Variants in ATG10 observed in about 807,000 individuals in gnomAD.
ATG10 encodes the protein autophagy related 10.
A neutral mutation model predicts 32.1 loss-of-function variants in ATG10; 30 were observed. The observed-to-expected ratio is 0.94, with a 90% CI of 0.70 to 1.27. The LOEUF is 1.27. Ranked by LOEUF, ATG10 falls within the 50% of genes most tolerant of loss-of-function variation. ATG10 has a pLI of 0.00. For synonymous variants in ATG10, 87 were observed against 91.5 expected (o/e 0.95, Z 0.28); for missense variants, 233 against 262.3 (o/e 0.89, Z 0.77).
intron 5 of ATG10, among the ~76,000 whole-genome samples, chr5:82,179,751 T>C (rs947587428): frequency 6.6e-6 from 1 of 152,156 alleles, no homozygotes; most frequent in African/African-American, 2.4e-5. Flanking sequence ...CCTTTAAAAA[T>C]GAGTTTATCA....
intron 3 of ATG10, among the ~76,000 whole-genome samples, chr5:82,097,113 A>G (rs1175122854): frequency 1.3e-5 from 2 of 152,144 alleles, no homozygotes; most frequent in Non-Finnish European, 2.9e-5. Context: ...TGTAGAACAG[A>G]GTTTTTAGTC....
intron 1 of ATG10, among the ~76,000 whole-genome samples, chr5:81,985,502 C>T (rs556161087): frequency 1.3e-5 from 2 of 152,124 alleles, no homozygotes; most frequent in South Asian, 4.1e-4. Flanking sequence ...GGACATTCCA[C>T]GGGCATTTGA....
chr5:82,036,922 A>G (rs868350751), intron 2 of ATG10, among the ~76,000 whole-genome samples: 1 of 151,694 alleles, frequency 6.6e-6, no homozygotes, highest in African/African-American at 2.4e-5. Flanking sequence ...CACACGGTCA[A>G]GAGATCGAGA....
intron 2 of ATG10, among the ~76,000 whole-genome samples, chr5:82,040,506 G>T (rs1763052286): frequency 6.6e-6 from 1 of 152,062 alleles, no homozygotes; most frequent in African/African-American, 2.4e-5. Flanking sequence ...ACTAAAAATT[G>T]TACTGTTTGA....
intron 3 of ATG10, among the ~76,000 whole-genome samples, chr5:82,117,114 A>G (rs1461006454): frequency 6.6e-6 from 1 of 152,138 alleles, no homozygotes; most frequent in Non-Finnish European, 1.5e-5. Flanking sequence ...TATTGAGGAT[A>G]AAAGGATGCA....
intron 1 of ATG10, among the ~76,000 whole-genome samples, chr5:81,983,143 C>T (rs1761110310): frequency 2.0e-5 from 3 of 151,616 alleles, no homozygotes; most frequent in African/African-American, 4.8e-5. Flanking sequence ...GACAGAGGTG[C>T]CCCTCACCTC....
chr5:82,158,348 GC>G lies in ATG10; in HGVS notation c.217-6044del, dbSNP rs59577564. ...TCTTAATATCAAATGAAATACAGCT[GC>G]CCCCCCGCCCCCCATCTCTGTGGGT... On this transcript the variant is annotated intron_variant, in intron 3 of 7. Transcript: ENST00000282185. Among the ~76,000 whole-genome samples, 9 of 146,100 alleles carry G rather than the reference GC, an allele frequency of 6.2e-5. No individual in the cohort carries two copies. In the South Asian group the frequency reaches 1.1e-3, roughly 19 times the overall value.
intron 3 of ATG10, among the ~76,000 whole-genome samples, chr5:82,094,062 G>A (rs1764975722): frequency 1.3e-5 from 2 of 152,014 alleles, no homozygotes; most frequent in Non-Finnish European, 2.9e-5. Context: ...AAGATTTGAG[G>A]GACTTATTTT....
chr5:82,170,702 T>C (rs796705992), intron 4 of ATG10, among the ~76,000 whole-genome samples: 17 of 152,094 alleles, frequency 1.1e-4, no homozygotes, highest in African/African-American at 3.9e-4. Flanking sequence ...TCCCAGCACT[T>C]TGGGAGGCCG....
At chr5:82,086,320 AT>A (rs1397901883) in intron 3 of ATG10, among the ~76,000 whole-genome samples, 2 of 152,238 alleles carry the variant, frequency 1.3e-5, no homozygotes, top group African/African-American at 4.8e-5. Context: ...ATAATTTATA[AT>A]GAAATAATGG....
At chr5:81,979,177 G>C (rs571296584) in intron 1 of ATG10, among the ~76,000 whole-genome samples, 1 of 152,174 alleles carries the variant, frequency 6.6e-6, no homozygotes, top group African/African-American at 2.4e-5. Flanking sequence ...TGGGATTACA[G>C]GCGTGAGCCA....
chr5:82,112,606 T>G (rs1456570039), intron 3 of ATG10, among the ~76,000 whole-genome samples: 2 of 151,924 alleles, frequency 1.3e-5, no homozygotes, highest in African/African-American at 4.8e-5. Context: ...TTTTGTTTAT[T>G]ATATGCATGA....
intron 2 of ATG10, among the ~76,000 whole-genome samples, chr5:82,019,313 G>A (rs1762374776): frequency 1.3e-5 from 2 of 151,954 alleles, no homozygotes; most frequent in African/African-American, 4.8e-5. Context: ...AGTAAAAATG[G>A]ATTTTTTTCT....
intron 3 of ATG10, among the ~76,000 whole-genome samples, chr5:82,065,639 TTTAA>T (rs1432955374): frequency 3.9e-5 from 6 of 152,200 alleles, no homozygotes; most frequent in East Asian, 1.9e-4. Context: ...TTTTTTTGTA[TTTAA>T]TTGAAGACTT....
At chr5:82,210,060 T>C (rs369276984) in intron 5 of ATG10, among the ~76,000 whole-genome samples, 1 of 152,340 alleles carries the variant, frequency 6.6e-6, no homozygotes, top group East Asian at 1.9e-4. Context: ...TTCTCAAGCT[T>C]GTCTTGAGCA....
At chr5:82,046,112 G>T (rs1366049134) in intron 2 of ATG10, among the ~76,000 whole-genome samples, 1 of 152,124 alleles carries the variant, frequency 6.6e-6, no homozygotes, top group Non-Finnish European at 1.5e-5. Flanking sequence ...TACCTCAGCT[G>T]TTCTCCTGTG....
chr5:82,058,659 A>C, intron 3 of ATG10, 57 bp downstream of exon 3: 2 of 1,192,584 alleles, frequency 1.7e-6, no homozygotes, highest in Non-Finnish European at 2.5e-6. Context: ...ACATTTAAAA[A>C]TGTATACTTT....
chr5:82,047,769 G>C (rs780975524), intron 2 of ATG10, among the ~76,000 whole-genome samples: 1 of 152,198 alleles, frequency 6.6e-6, no homozygotes, highest in African/African-American at 2.4e-5. Context: ...GGACTTGGTA[G>C]GTTCGAGAGC....
At chr5:82,100,411 G>T (rs560036476) in intron 3 of ATG10, among the ~76,000 whole-genome samples, 6 of 152,126 alleles carry the variant, frequency 3.9e-5, no homozygotes, top group South Asian at 2.1e-4. Context: ...TCTTCACTGT[G>T]TCAGCTCATA....
Sources: gnomAD v4.1 joint callset for allele counts (sites outside exome capture counted in the v4.1 genomes callset) on GRCh38, gnomAD v4.1.1 for gene constraint, MANE v1.5 for transcripts, NCBI Gene and HGNC (gene_info 2026-07-23, HGNC 2026-07-21) for gene names.